ATF7IP: variants seen among roughly 807,000 people sequenced by gnomAD.
ATF7IP encodes activating transcription factor 7 interacting protein, also known as activating transcription factor 7-interacting protein 1.
In ATF7IP, 23 loss-of-function variants were observed where a neutral mutation model predicts 106.4. That is an observed-to-expected ratio of 0.22 (90% confidence interval 0.16 to 0.31). The LOEUF is 0.31. Ranked by LOEUF, ATF7IP falls within the 10% of genes least tolerant of loss-of-function variation. ATF7IP has a pLI of 1.00. For missense variants in ATF7IP, 1,334 were observed against 1,524.3 expected, an observed-to-expected ratio of 0.88 and a Z score of 2.08; for synonymous variants, 542 against 539.0, an observed-to-expected ratio of 1.01 and a Z score of -0.08.
intron 2 of ATF7IP, among the ~76,000 whole-genome samples, chr12:14,430,543 T>C (rs1942064897): frequency 1.3e-5 from 2 of 152,224 alleles, no homozygotes; most frequent in South Asian, 4.1e-4. Context: ...TTACCAGTCA[T>C]GCCTTATTTT....
In ATF7IP at chr12:14,422,300, A is replaced by C. The variant is rs567003049; in HGVS notation, c.-7-1609A>C. 3.4e-3 allele frequency among the ~76,000 whole-genome samples: 479 copies of C among 142,518 alleles called. 3 individuals carry two copies. Among genetic ancestry groups the C allele is most frequent in the Non-Finnish European group, 5.5e-3 (365 of 66,104 alleles). The allele number at this position is 142,518 out of a possible 152,430, so 93.5% of individuals were successfully genotyped here. A position where few individuals can be genotyped will look rare whatever the true frequency, so the allele number is the denominator to read the frequency against. On this transcript the variant is annotated intron_variant, in intron 1 of 14. Transcript: ENST00000261168. ...TGATAAAACTGTAGCACAACTTACC[A>C]AAAAAAGAGAATACACACACACACA...
At chr12:14,443,516 G>A (rs1218805642) in intron 5 of ATF7IP, among the ~76,000 whole-genome samples, 3 of 152,208 alleles carry the variant, frequency 2.0e-5, no homozygotes, top group African/African-American at 7.2e-5. Flanking sequence ...CTCAGTACAT[G>A]CCAAATCAGG....
chr12:14,392,964 G>A (rs1437303952), intron 1 of ATF7IP, among the ~76,000 whole-genome samples: 3 of 152,102 alleles, frequency 2.0e-5, no homozygotes, highest in Non-Finnish European at 4.4e-5. Flanking sequence ...TAAAACACCA[G>A]TCTTTACTGT....
intron 13 of ATF7IP, among the ~76,000 whole-genome samples, chr12:14,495,537 A>G (rs1400908956): frequency 6.6e-6 from 1 of 152,220 alleles, no homozygotes; most frequent in African/African-American, 2.4e-5. Flanking sequence ...GAACTACAGC[A>G]TGGGCCAGGT....
chr12:14,401,778 C>T (rs1246964350), intron 1 of ATF7IP, among the ~76,000 whole-genome samples: 3 of 131,030 alleles, frequency 2.3e-5, no homozygotes, highest in African/African-American at 5.9e-5. Context: ...AGTGCGATGG[C>T]GCTGGGCTCA....
At chr12:14,430,623 T>C (rs1316893313) in intron 2 of ATF7IP, among the ~76,000 whole-genome samples, 1 of 152,228 alleles carries the variant, frequency 6.6e-6, no homozygotes, top group Non-Finnish European at 1.5e-5. Context: ...TATCTGTGAA[T>C]TGCCTGTTCA....
chr12:14,424,883 A>T lies in ATF7IP; in HGVS notation c.968A>T (p.Asp323Val). ...DDDFLEKNGA[D>V]EKLEQIQSKD... ...GATTTTCTTGAAAAAAATGGAGCTG[A>T]TGAAAAATTAGAGCAAATTCAGAGT... Residue 323 changes from aspartate to valine, a missense_variant, in exon 2 of 15, where the codon GAT (aspartate) becomes GTT (valine). Coordinates refer to ENST00000261168, the MANE Select transcript of ATF7IP (RefSeq NM_018179.5). The T allele has an allele frequency of 6.2e-7, 1 of 1,610,340 alleles. No homozygotes were observed.
chr12:14,385,082 TATGTTAC>T, intron 1 of ATF7IP: 1 of 295,364 alleles, frequency 3.4e-6, no homozygotes, highest in Non-Finnish European at 6.3e-6. Context: ...TCACAGGCAT[TATGTTAC>T]AAAACTGGCT....
intron 9 of ATF7IP, among the ~76,000 whole-genome samples, chr12:14,463,655 G>A (rs1246455957): frequency 2.6e-5 from 4 of 152,152 alleles, no homozygotes; most frequent in African/African-American, 4.8e-5. Flanking sequence ...AGGGGGTAAT[G>A]TGACATCCAT....
At chr12:14,390,631 G>A (rs935354887) in intron 1 of ATF7IP, among the ~76,000 whole-genome samples, 3 of 152,168 alleles carry the variant, frequency 2.0e-5, no homozygotes, top group Non-Finnish European at 4.4e-5. Context: ...GCTCAAATTA[G>A]TTGAGCTAAG....
At chr12:14,383,451 T>G (rs1023840614) in intron 1 of ATF7IP, among the ~76,000 whole-genome samples, 2 of 152,224 alleles carry the variant, frequency 1.3e-5, no homozygotes, top group African/African-American at 4.8e-5. Context: ...TTTGGCTATG[T>G]GTACCATCTT....
chr12:14,432,869 T>C (rs547517375), intron 2 of ATF7IP, among the ~76,000 whole-genome samples: 3 of 152,174 alleles, frequency 2.0e-5, no homozygotes, highest in Non-Finnish European at 4.4e-5. Context: ...AGGGGGAAAA[T>C]AGAAGTCAAA....
intron 1 of ATF7IP, among the ~76,000 whole-genome samples, chr12:14,367,777 C>G (rs767580555): frequency 2.0e-5 from 3 of 152,044 alleles, no homozygotes; most frequent in African/African-American, 7.2e-5. Context: ...ATGTTTCTTA[C>G]AAGGCAGATA....
intron 13 of ATF7IP, chr12:14,481,953 T>C (rs1944444897): frequency 7.0e-6 from 1 of 143,644 alleles, no homozygotes; most frequent in East Asian, 2.0e-4. Flanking sequence ...CATATGTAGA[T>C]GACATTTTAA....
intron 10 of ATF7IP, among the ~76,000 whole-genome samples, chr12:14,471,537 A>AT (rs201823893): frequency 1.5e-3 from 226 of 151,186 alleles, no homozygotes; most frequent in African/African-American, 4.0e-3. Context: ...TTACAGCAGC[A>AT]TTTTTTTTTA....
chr12:14,473,290 C>CGTGTG (rs1555135614), intron 10 of ATF7IP, among the ~76,000 whole-genome samples: 9 of 130,030 alleles, frequency 6.9e-5, no homozygotes, highest in African/African-American at 2.7e-4. Context: ...CTCTCTCTCT[C>CGTGTG]TGTGTGTGTG....
intron 8 of ATF7IP, among the ~76,000 whole-genome samples, chr12:14,458,718 G>A (rs889596196): frequency 3.3e-5 from 5 of 152,102 alleles, no homozygotes; most frequent in Non-Finnish European, 7.4e-5. Flanking sequence ...AGCTACTCAG[G>A]AGGCTGAAGT....
chr12:14,455,665 A>C (rs1565527050), intron 6 of ATF7IP, among the ~76,000 whole-genome samples: 3 of 151,998 alleles, frequency 2.0e-5, no homozygotes, highest in African/African-American at 7.2e-5. Flanking sequence ...GCTCACTGCA[A>C]CCTCTGCCTC....
intron 13 of ATF7IP, among the ~76,000 whole-genome samples, chr12:14,491,391 A>AT (rs764861529): frequency 6.6e-6 from 1 of 152,212 alleles, no homozygotes; most frequent in Non-Finnish European, 1.5e-5. Context: ...CAGGCCCCAC[A>AT]TCACTGGACC....
Sources: allele counts gnomAD v4.1 joint callset (sites outside exome capture counted in the v4.1 genomes callset), GRCh38; gene constraint gnomAD v4.1.1; transcripts MANE v1.5; gene names NCBI Gene and HGNC (gene_info 2026-07-23, HGNC 2026-07-21).